Variants in SRRM4 observed in about 807,000 individuals in gnomAD.
The protein encoded by SRRM4 is serine/arginine repetitive matrix protein 4.
A neutral mutation model predicts 68.9 loss-of-function variants in SRRM4; 33 were observed. The observed-to-expected ratio is 0.48, with a 90% confidence interval of 0.36 to 0.64. SRRM4 has a LOEUF of 0.64. Ranked by LOEUF, SRRM4 falls within the 30% of genes least tolerant of loss-of-function variation. The pLI is 0.00. For synonymous variants in SRRM4, 318 were observed against 318.8 expected, an observed-to-expected ratio of 1.00 and a Z score of 0.03; for missense variants, 817 against 827.1, an observed-to-expected ratio of 0.99 and a Z score of 0.15.
intron 2 of SRRM4, among the ~76,000 whole-genome samples, chr12:119,109,228 G>A (rs1319677867): frequency 1.3e-5 from 2 of 152,104 alleles, no homozygotes; most frequent in African/African-American, 2.4e-5. Flanking sequence ...TGGGTAACCC[G>A]ACCTTTCTCT....
chr12:119,102,553 G>A (rs938840748), intron 2 of SRRM4, among the ~76,000 whole-genome samples, 171 bp downstream of exon 2: 28 of 152,194 alleles, frequency 1.8e-4, no homozygotes, highest in African/African-American at 6.8e-4. Context: ...TGTAGACCCA[G>A]TGGTTTCTGT....
intron 1 of SRRM4, among the ~76,000 whole-genome samples, chr12:119,057,128 T>C (rs1953781652): frequency 6.6e-6 from 1 of 152,208 alleles, no homozygotes; most frequent in Non-Finnish European, 1.5e-5. Flanking sequence ...ACTTGGTCCA[T>C]GGTTTTTATT....
chr12:119,049,061 T>C (rs1244348773), intron 1 of SRRM4, among the ~76,000 whole-genome samples: 1 of 152,204 alleles, frequency 6.6e-6, no homozygotes, highest in Non-Finnish European at 1.5e-5. Flanking sequence ...CAGGAAAGCC[T>C]TTGCCCTTAC....
intron 1 of SRRM4, among the ~76,000 whole-genome samples, chr12:119,087,529 TAGTG>T (rs1182314342): frequency 6.6e-6 from 1 of 152,152 alleles, no homozygotes; most frequent in Non-Finnish European, 1.5e-5. Flanking sequence ...AATTCCAAAT[TAGTG>T]AGGTTTCATG....
At chr12:118,995,332 C>T (rs973366536) in intron 1 of SRRM4, among the ~76,000 whole-genome samples, 8 of 152,190 alleles carry the variant, frequency 5.3e-5, no homozygotes, top group Non-Finnish European at 1.0e-4. Context: ...GCTGCTAACT[C>T]TCACTAACTC....
rs1953247956 is a variant in SRRM4 at position 118,981,699 on chromosome 12, C to G, written c.-184C>G. ...GAAGAAAGCCCAGCGGACGAGCCTC[C>G]TTTCTCTGCTGCCTGCCCGGGCTGG... On this transcript the variant is annotated 5_prime_UTR_variant, in exon 1 of 13. Coordinates refer to ENST00000267260, the MANE Select transcript of SRRM4 (RefSeq NM_194286.4). 1.5e-6 allele frequency: 1 copy of G among 648,754 alleles called. No homozygotes were observed. Among genetic ancestry groups the G allele is most frequent in the Non-Finnish European group, 2.6e-6 (1 of 390,278 alleles). The allele number at this position is 648,754 out of a possible 1,614,324, so 40.2% of individuals were successfully genotyped here.
At chr12:119,032,833 A>G (rs1479762684) in intron 1 of SRRM4, among the ~76,000 whole-genome samples, 2 of 151,962 alleles carry the variant, frequency 1.3e-5, no homozygotes, top group Non-Finnish European at 2.9e-5. Flanking sequence ...AGTTTCACCA[A>G]TTTTCTGTCT....
At chr12:119,150,842 C>G (rs570038155) in intron 9 of SRRM4, among the ~76,000 whole-genome samples, 175 bp from the exon 10 acceptor site, 1 of 152,296 alleles carries the variant, frequency 6.6e-6, no homozygotes, top group South Asian at 2.1e-4. Flanking sequence ...TCTTCTGTCT[C>G]TACTCCTCTA....
In SRRM4 at chr12:118,982,684, T is replaced by TTG. The variant is rs1182910934; in HGVS notation, c.131+672_131+673insGT. Among the ~76,000 whole-genome samples the TTG allele has an allele frequency of 1.4e-4, 16 of 118,300 alleles. 1 individual carries two copies. Among genetic ancestry groups the TTG allele is most frequent in the Admixed American group, 1.1e-3 (12 of 11,290 alleles). 77.6% of individuals were successfully genotyped at this position (118,300 alleles called of 152,430 possible). ...GTTTTATTTTGTTTTTTTTTGTTTT[T>TTG]TTTTTTTTTTTCCAAAAAGAATCTG... On this transcript the variant is annotated intron_variant, in intron 1 of 12. Transcript: ENST00000267260.
At chr12:119,015,573 G>A (rs537421260) in intron 1 of SRRM4, among the ~76,000 whole-genome samples, 11 of 151,784 alleles carry the variant, frequency 7.2e-5, no homozygotes, top group African/African-American at 2.7e-4. Flanking sequence ...TCTTAACTTT[G>A]TATTTTGAAT....
intron 8 of SRRM4, among the ~76,000 whole-genome samples, 188 bp from the exon 9 acceptor site, chr12:119,145,193 A>G (rs1421886791): frequency 6.6e-6 from 1 of 152,178 alleles, no homozygotes; most frequent in Non-Finnish European, 1.5e-5. Context: ...GGGGTAAAAA[A>G]AAAATCTCCT....
intron 1 of SRRM4, among the ~76,000 whole-genome samples, chr12:119,044,029 G>A (rs963625251): frequency 1.3e-5 from 2 of 152,062 alleles, no homozygotes; most frequent in Admixed American, 1.3e-4. Context: ...ACCACACCCA[G>A]CTAATTTTGT....
At chr12:119,020,865 A>G (rs1953511692) in intron 1 of SRRM4, among the ~76,000 whole-genome samples, 1 of 152,184 alleles carries the variant, frequency 6.6e-6, no homozygotes, top group African/African-American at 2.4e-5. Context: ...AAGCTGGGAG[A>G]GGGTGTGTTC....
intron 1 of SRRM4, among the ~76,000 whole-genome samples, chr12:119,066,981 C>T (rs1410799754): frequency 6.6e-6 from 1 of 152,202 alleles, no homozygotes; most frequent in East Asian, 1.9e-4. Flanking sequence ...ACTCTCCTGC[C>T]TAATAACCAT....
intron 9 of SRRM4, among the ~76,000 whole-genome samples, chr12:119,147,104 C>A (rs1298187105): frequency 6.6e-6 from 1 of 152,118 alleles, no homozygotes. Context: ...TATGATACGT[C>A]CAGACAATGG....
intron 1 of SRRM4, among the ~76,000 whole-genome samples, chr12:119,013,668 C>T (rs1442220080): frequency 6.6e-6 from 1 of 151,544 alleles, no homozygotes; most frequent in Non-Finnish European, 1.5e-5. Context: ...TTAGAACTAC[C>T]CTGTTATTTT....
intron 1 of SRRM4, among the ~76,000 whole-genome samples, chr12:119,036,391 T>C (rs553191353): frequency 6.6e-6 from 1 of 152,296 alleles, no homozygotes; most frequent in Admixed American, 6.5e-5. Flanking sequence ...GGCCCATCGT[T>C]CTGAGCATAC....
At chr12:119,060,203 A>T (rs1370575984) in intron 1 of SRRM4, among the ~76,000 whole-genome samples, 1 of 151,966 alleles carries the variant, frequency 6.6e-6, no homozygotes, top group East Asian at 1.9e-4. Context: ...CTGAGAAAAC[A>T]ATTACCTGAA....
chr12:119,082,806 C>T (rs1953956935), intron 1 of SRRM4, among the ~76,000 whole-genome samples: 1 of 152,344 alleles, frequency 6.6e-6, no homozygotes, highest in East Asian at 1.9e-4. Context: ...CTGCTTGCTG[C>T]TTTGCCACTC....
Sources: gnomAD v4.1 joint callset for allele counts (sites outside exome capture counted in the v4.1 genomes callset) on GRCh38, gnomAD v4.1.1 for gene constraint, MANE v1.5 for transcripts, NCBI Gene and HGNC (gene_info 2026-07-23, HGNC 2026-07-21) for gene names.